PDE10A: variants seen among roughly 807,000 people sequenced by gnomAD.
The protein encoded by PDE10A is phosphodiesterase 10A.
In PDE10A, 39 loss-of-function variants were observed where a neutral mutation model predicts 97.7. That is an observed-to-expected ratio of 0.40 (90% CI 0.31 to 0.52). The LOEUF is 0.52. PDE10A is among the 20% of genes least tolerant of loss of function. The probability of loss-of-function intolerance (pLI) is 0.56; values close to 1 mark genes in which losing one functional copy is unlikely to be tolerated. For missense variants in PDE10A, 731 were observed against 1,047.8 expected, an observed-to-expected ratio of 0.70 and a Z score of 4.17; for synonymous variants, 371 against 376.8, an observed-to-expected ratio of 0.98 and a Z score of 0.18.
intron 18 of PDE10A, among the ~76,000 whole-genome samples, chr6:165,362,992 G>A (rs1346535055): frequency 6.6e-6 from 1 of 151,832 alleles, no homozygotes; most frequent in East Asian, 1.9e-4. Flanking sequence ...TGCAGATAAA[G>A]CATATGACAA....
intron 1 of PDE10A, among the ~76,000 whole-genome samples, chr6:165,891,882 G>A (rs1322352396): frequency 6.6e-6 from 1 of 151,710 alleles, no homozygotes; most frequent in African/African-American, 2.4e-5. Context: ...AATAACCTTC[G>A]TGATCACCCC....
chr6:165,472,224 T>G (rs1050733346), intron 3 of PDE10A, among the ~76,000 whole-genome samples: 1 of 152,112 alleles, frequency 6.6e-6, no homozygotes, highest in South Asian at 2.1e-4. Flanking sequence ...AATTTGTAAT[T>G]TCCTCAACAT....
At chr6:165,486,928 T>C (rs748242291) in intron 2 of PDE10A, among the ~76,000 whole-genome samples, 1 of 152,202 alleles carries the variant, frequency 6.6e-6, no homozygotes, top group Non-Finnish European at 1.5e-5. Context: ...ATTTCTGACA[T>C]GTTTCAAACA....
chr6:165,644,041 T>A (rs539755596), intron 1 of PDE10A, among the ~76,000 whole-genome samples: 8 of 152,182 alleles, frequency 5.3e-5, no homozygotes, highest in Non-Finnish European at 8.8e-5. Flanking sequence ...CAGGTAGACA[T>A]CCTCAGAAAA....
At position 165,832,269 on chromosome 6, in the gene PDE10A, G is replaced by A. The variant is rs373723280; in HGVS notation, c.-615+155260C>T. Among the ~76,000 whole-genome samples the A allele has an allele frequency of 9.2e-5, 14 of 152,014 alleles. No homozygotes were observed. In the South Asian group the frequency reaches 1.3e-3, roughly 14 times the overall value. ...GGAGACAGAAGTGGTGGTGGGAGGC[G>A]GAGAGGAACGTTCTGGAGGAAGGAA... On this transcript the variant is annotated intron_variant, in intron 1 of 19. Transcript: ENST00000366882.
At chr6:165,350,557 T>C (rs1001429298) in intron 18 of PDE10A, among the ~76,000 whole-genome samples, 1 of 152,142 alleles carries the variant, frequency 6.6e-6, no homozygotes, top group African/African-American at 2.4e-5. Flanking sequence ...TGAGGGACTG[T>C]TGGAAGTAGA....
At position 165,799,660 on chromosome 6, in the gene PDE10A, C is replaced by T. The variant is rs148428433; in HGVS notation, c.-615+187869G>A. 7.2e-3 allele frequency among the ~76,000 whole-genome samples: 1,092 copies of T among 152,280 alleles called. 11 individuals carry two copies. Among genetic ancestry groups the T allele is most frequent in the Non-Finnish European group, 0.01 (682 of 68,006 alleles). On this transcript the variant is annotated intron_variant, in intron 1 of 19. Coordinates refer to the PDE10A transcript ENST00000366882. Reference sequence around the variant, plus strand: ...CCAGATTTTCACAGTTTCCAATCGTCTTCTTAAGTAGACACTGTCTACTTA... The same window carrying T: ...CCAGATTTTCACAGTTTCCAATCGTTTTCTTAAGTAGACACTGTCTACTTA...
At chr6:165,986,020 G>A (rs1451395308) in intron 1 of PDE10A, 4 of 152,708 alleles carry the variant, frequency 2.6e-5, no homozygotes, top group African/African-American at 4.8e-5. Context: ...AGCGTGGCGA[G>A]GGCATTCCTG....
At chr6:165,851,606 T>G (rs1457836141) in intron 1 of PDE10A, among the ~76,000 whole-genome samples, 1 of 152,164 alleles carries the variant, frequency 6.6e-6, no homozygotes, top group Non-Finnish European at 1.5e-5. Context: ...TAGATTACTT[T>G]GGGTGTTCAG....
chr6:165,608,082 G>GTA (rs1458893771), intron 1 of PDE10A, among the ~76,000 whole-genome samples: 191 of 136,138 alleles, frequency 1.4e-3, no homozygotes, highest in African/African-American at 6.1e-3. Flanking sequence ...ATGTATATAT[G>GTA]TATATATATG....
intron 1 of PDE10A, among the ~76,000 whole-genome samples, chr6:165,769,247 T>C (rs1034211947): frequency 2.0e-5 from 3 of 152,206 alleles, no homozygotes; most frequent in Non-Finnish European, 4.4e-5. Context: ...ACTAAATTTT[T>C]CATGTCATCT....
intron 2 of PDE10A, among the ~76,000 whole-genome samples, chr6:165,493,954 G>A (rs1189398523): frequency 6.6e-6 from 1 of 151,288 alleles, no homozygotes; most frequent in Admixed American, 6.6e-5. Context: ...GAATCTACAG[G>A]GAACTCAAAT....
In PDE10A at chr6:165,703,021, T is replaced by A. The variant is rs386469822; in HGVS notation, c.-614-159453A>T. Among the ~76,000 whole-genome samples the A allele has an allele frequency of 1.4e-4, 22 of 152,316 alleles. 1 individual carries two copies. The highest frequency in any genetic ancestry group is 3.1e-4 in the Non-Finnish European group (21 of 68,018). ...ACTTGCCCGTGCAATTCCATTTTCA[T>A]AAACACGATTCGGCATCTCTTAGAG... On this transcript the variant is annotated intron_variant, in intron 1 of 19. Transcript: ENST00000366882.
intron 18 of PDE10A, among the ~76,000 whole-genome samples, chr6:165,349,720 G>C (rs1330306287): frequency 1.3e-5 from 2 of 152,172 alleles, no homozygotes; most frequent in Non-Finnish European, 2.9e-5. Context: ...GGTTTCGTGG[G>C]CCCCCCTGCT....
At chr6:165,845,293 C>G (rs75222357) in intron 1 of PDE10A, among the ~76,000 whole-genome samples, 3,325 of 152,228 alleles carry the variant, frequency 0.022, 56 homozygotes, top group South Asian at 0.083. Context: ...GGGTTAGCAA[C>G]AAATGTTTTT....
At chr6:165,373,703 C>A (rs1784418216) in intron 18 of PDE10A, among the ~76,000 whole-genome samples, 1 of 152,082 alleles carries the variant, frequency 6.6e-6, no homozygotes, top group Non-Finnish European at 1.5e-5. Context: ...ACTAGAAATA[C>A]CATGTGACCC....
At chr6:165,619,308 T>C (rs1248465899) in intron 1 of PDE10A, among the ~76,000 whole-genome samples, 7 of 151,030 alleles carry the variant, frequency 4.6e-5, no homozygotes, top group African/African-American at 1.2e-4. Flanking sequence ...TGTAGTGTAG[T>C]GTAGTCTAGT....
intron 1 of PDE10A, among the ~76,000 whole-genome samples, chr6:165,847,363 A>ATGGCT (rs1229620886): frequency 1.3e-5 from 2 of 152,218 alleles, no homozygotes; most frequent in Non-Finnish European, 1.5e-5. Context: ...CTGAAAGTTG[A>ATGGCT]TGGCTTCTGA....
At chr6:165,457,435 G>A (rs1282950016) in intron 3 of PDE10A, among the ~76,000 whole-genome samples, 4 of 152,110 alleles carry the variant, frequency 2.6e-5, no homozygotes, top group Non-Finnish European at 4.4e-5. Context: ...TAGTACTTGC[G>A]TTTTATTTGA....
Sources: allele counts gnomAD v4.1 joint callset (sites outside exome capture counted in the v4.1 genomes callset), GRCh38; gene constraint gnomAD v4.1.1; transcripts MANE v1.5; gene names NCBI Gene and HGNC (gene_info 2026-07-23, HGNC 2026-07-21).